PDE5A: variants seen among roughly 807,000 people sequenced by gnomAD.
PDE5A encodes phosphodiesterase 5A, also known as cGMP-specific 3',5'-cyclic phosphodiesterase.
PDE5A carries 67 observed loss-of-function variants against 110.2 expected under a neutral mutation model. The ratio of observed to expected loss-of-function variants is 0.61; its 90% CI spans 0.50 to 0.75. PDE5A has a LOEUF of 0.75. Among genes scored for constraint, PDE5A ranks in the 30% least tolerant of loss-of-function variants. PDE5A has a pLI of 0.00. For missense variants in PDE5A, 862 were observed against 1,045.1 expected, an observed-to-expected ratio of 0.82 and a Z score of 2.42; for synonymous variants, 328 against 351.2, an observed-to-expected ratio of 0.93 and a Z score of 0.74.
At chr4:119,569,830 CAAAA>C (rs371155366) in intron 3 of PDE5A, 5 of 152,320 alleles carry the variant, frequency 3.3e-5, no homozygotes, top group Non-Finnish European at 5.9e-5. Context: ...ACAAGTGTAA[CAAAA>C]AAAGTAATCC....
Position 119,628,707 on chromosome 4 carries a change from T to C in PDE5A, c.-36A>G, listed in dbSNP as rs187593210. ...GCGCGCCTCGGAGGCTCTCTGGTAC[T>C]GCTTTTCCACCCCAGCTGGGGTCCG... On this transcript the variant is annotated 5_prime_UTR_variant, in exon 1 of 21. Coordinates refer to ENST00000354960, the MANE Select transcript of PDE5A (RefSeq NM_001083.4). 8,526 of 1,605,090 alleles carry C rather than the reference T, an allele frequency of 5.3e-3. 590 individuals carry two copies. In the Admixed American group the frequency reaches 0.13, roughly 24 times the overall value.
chr4:119,499,727 T>C (rs1725225673), intron 20 of PDE5A: 1 of 152,022 alleles, frequency 6.6e-6, no homozygotes, highest in Non-Finnish European at 1.5e-5. Context: ...AAATAATTTT[T>C]CTGTTTTTTT....
chr4:119,587,367 T>C (rs1207466347), intron 3 of PDE5A, among the ~76,000 whole-genome samples: 1 of 142,238 alleles, frequency 7.0e-6, no homozygotes, highest in Admixed American at 7.6e-5. Flanking sequence ...CACACCCGGC[T>C]AATTTTTTTG....
chr4:119,540,896 T>C (rs956824846), intron 10 of PDE5A, among the ~76,000 whole-genome samples: 5 of 152,162 alleles, frequency 3.3e-5, no homozygotes, highest in Non-Finnish European at 7.3e-5. Context: ...ACTACACATA[T>C]GACCTGAAAT....
intron 3 of PDE5A, among the ~76,000 whole-genome samples, chr4:119,571,822 AT>A (rs1167073873): frequency 6.6e-6 from 1 of 152,128 alleles, no homozygotes; most frequent in African/African-American, 2.4e-5. Flanking sequence ...AGAACTTGAC[AT>A]CTCATTCCTA....
intron 6 of PDE5A, among the ~76,000 whole-genome samples, chr4:119,560,999 T>C (rs776004662): frequency 3.9e-5 from 6 of 152,182 alleles, no homozygotes; most frequent in Non-Finnish European, 8.8e-5. Context: ...CATGCCTCTG[T>C]CATCCCAACT....
chr4:119,535,422 C>T (rs117882475), intron 11 of PDE5A, among the ~76,000 whole-genome samples: 27 of 152,158 alleles, frequency 1.8e-4, no homozygotes, highest in East Asian at 9.7e-4. Flanking sequence ...CAGTTTTTCC[C>T]GCCACCCTGA....
rs3836707 is a variant in PDE5A at position 119,528,053 on chromosome 4, C to CAA, written c.1633-2360_1633-2359dup. Among the ~76,000 whole-genome samples, 246 of 149,732 alleles carry CAA rather than the reference C, an allele frequency of 1.6e-3. 1 individual carries two copies. Among genetic ancestry groups the CAA allele is most frequent in the East Asian group, 8.2e-3 (42 of 5,102 alleles). On this transcript the variant is annotated intron_variant, in intron 11 of 20. Coordinates refer to ENST00000354960, the MANE Select transcript of PDE5A (RefSeq NM_001083.4). ...TGTCAAATTAACCAAATATGGAATGCAAAAAAAAAATAAAAAAACAAAGCT... is the reference window on the plus strand; with the variant it reads ...TGTCAAATTAACCAAATATGGAATGCAAAAAAAAAAAATAAAAAAACAAAGCT...
intron 1 of PDE5A, among the ~76,000 whole-genome samples, chr4:119,607,743 A>T (rs569380932): frequency 3.4e-5 from 5 of 149,144 alleles, no homozygotes; most frequent in East Asian, 2.0e-4. Flanking sequence ...AGACTCTCTC[A>T]AAAAAAAAAG....
intron 3 of PDE5A, among the ~76,000 whole-genome samples, chr4:119,593,673 C>T (rs565664061): frequency 3.3e-4 from 50 of 152,204 alleles, no homozygotes; most frequent in African/African-American, 4.1e-4. Context: ...GTTACATGAT[C>T]GAATATACAT....
Position 119,567,095 on chromosome 4 carries a change from G to A in PDE5A, c.881C>T (p.Thr294Ile), listed in dbSNP as rs1318201973. 6.2e-7 allele frequency: 1 copy of A among 1,613,066 alleles called. No individual in the cohort carries two copies. Among genetic ancestry groups the A allele is most frequent in the Non-Finnish European group, 8.5e-7 (1 of 1,179,326 alleles). Residue 294 changes from threonine to isoleucine, a missense_variant, in exon 4 of 21, where the codon ACA (threonine) becomes ATA (isoleucine). Physicochemically the swap from Thr to Ile is moderately conservative, Grantham distance 89. Transcript: ENST00000354960. ...AINKKSGNGGTFTEKDEKDFA... is the reference protein window; with the variant it reads ...AINKKSGNGGIFTEKDEKDFA... ...TACCTTTTCATCTTTTTCAGTAAATGTCCCACCGTTTCCTGATTTCTTGTT... is the reference window on the plus strand; with the variant it reads ...TACCTTTTCATCTTTTTCAGTAAATATCCCACCGTTTCCTGATTTCTTGTT...
rs1730375369 is a variant in PDE5A at position 119,627,107 on chromosome 4, G to A, written c.152+1413C>T. The A allele has an allele frequency of 1.2e-6, 2 of 1,607,544 alleles. No homozygotes were observed. Among genetic ancestry groups the A allele is most frequent in the African/African-American group, 2.7e-5 (2 of 74,808 alleles). On this transcript the variant is annotated intron_variant, in intron 1 of 20. Transcript: ENST00000354960. The surrounding 1 kb of genome is among the most constrained non-coding windows in gnomAD (Gnocchi z 4.6). The stretch of plus-strand genomic sequence containing the variant: ...AGCACCCGAGACCCGCCGCGCCCCC[G>A]GAAAAAGTGGGAAGGGACGTAGGGG...
intron 1 of PDE5A, among the ~76,000 whole-genome samples, chr4:119,618,488 A>G (rs977993765): frequency 5.3e-5 from 8 of 152,086 alleles, no homozygotes; most frequent in Non-Finnish European, 1.2e-4. Flanking sequence ...TAAAAAATGG[A>G]CTCCTCAGAC....
At chr4:119,587,541 G>A (rs528336693) in intron 3 of PDE5A, among the ~76,000 whole-genome samples, 15 of 151,914 alleles carry the variant, frequency 9.9e-5, no homozygotes, top group African/African-American at 2.9e-4. Flanking sequence ...CCGCCACCGC[G>A]CCCGGCTAAT....
Position 119,495,977 on chromosome 4 carries a change from G to T in PDE5A, c.*2624C>A, listed in dbSNP as rs1480938. 151 of 152,136 alleles carry T rather than the reference G, an allele frequency of 9.9e-4. No individual in the cohort carries two copies. The highest frequency in any genetic ancestry group is 3.4e-3 in the African/African-American group (143 of 41,528). 9.4% of individuals were successfully genotyped at this position (152,136 alleles called of 1,614,324 possible). A position where few individuals can be genotyped will look rare whatever the true frequency, so the allele number is the denominator to read the frequency against. ...CATTCTGCTTGAAGACAAAGGCTTT[G>T]CCCAAACATAACTCCTTTTAAAAAA... On this transcript the variant is annotated 3_prime_UTR_variant, in exon 21 of 21. Transcript: ENST00000354960.
At chr4:119,582,061 C>A (rs574066191) in intron 3 of PDE5A, among the ~76,000 whole-genome samples, 1 of 152,166 alleles carries the variant, frequency 6.6e-6, no homozygotes, top group Non-Finnish European at 1.5e-5. Flanking sequence ...GAAGTTGCCA[C>A]CACGGATTGA....
intron 9 of PDE5A, among the ~76,000 whole-genome samples, chr4:119,544,164 C>T (rs961619350): frequency 2.6e-5 from 4 of 152,076 alleles, no homozygotes; most frequent in Non-Finnish European, 4.4e-5. Flanking sequence ...ACATTAAGCC[C>T]CTTTACCACC....
chr4:119,516,827 G>C (rs1022221525), intron 14 of PDE5A, among the ~76,000 whole-genome samples: 4 of 152,134 alleles, frequency 2.6e-5, no homozygotes, highest in Non-Finnish European at 5.9e-5. Flanking sequence ...CACCATATTG[G>C]CCAGCCTGGT....
intron 3 of PDE5A, among the ~76,000 whole-genome samples, chr4:119,582,408 C>T (rs1409591974): frequency 2.6e-5 from 4 of 152,178 alleles, no homozygotes; most frequent in Admixed American, 6.5e-5. Flanking sequence ...TCCACAAGAT[C>T]TGCAGTTACT....
Sources: gnomAD v4.1 joint callset for allele counts (sites outside exome capture counted in the v4.1 genomes callset) on GRCh38, gnomAD v4.1.1 for gene constraint, Gnocchi (gnomAD v3.1) non-coding constraint, MANE v1.5 for transcripts, NCBI Gene and HGNC (gene_info 2026-07-23, HGNC 2026-07-21) for gene names.